NRP1: variants seen among roughly 807,000 people sequenced by gnomAD.
The protein encoded by NRP1 is neuropilin 1.
A neutral mutation model predicts 106.7 loss-of-function variants in NRP1; 35 were observed. The ratio of observed to expected loss-of-function variants is 0.33; its 90% CI spans 0.25 to 0.43. NRP1 has a LOEUF of 0.43. NRP1 is among the 20% of genes least tolerant of loss of function. The pLI is 1.00. For missense variants in NRP1, 1,024 were observed against 1,170.4 expected, an observed-to-expected ratio of 0.87 and a Z score of 1.83; for synonymous variants, 437 against 417.9, an observed-to-expected ratio of 1.05 and a Z score of -0.56.
intron 8 of NRP1, among the ~76,000 whole-genome samples, chr10:33,217,584 T>C (rs1428205403): frequency 6.6e-6 from 1 of 152,164 alleles, no homozygotes; most frequent in African/African-American, 2.4e-5. Context: ...GTTGCCAGAT[T>C]TAGCAAATAA....
intron 6 of NRP1, among the ~76,000 whole-genome samples, chr10:33,241,487 C>G (rs916678159): frequency 5.3e-5 from 8 of 152,138 alleles, no homozygotes; most frequent in African/African-American, 1.7e-4. Flanking sequence ...CTCCCTAGCA[C>G]TGCCTGAAGT....
intron 8 of NRP1, among the ~76,000 whole-genome samples, 181 bp downstream of exon 8, chr10:33,221,538 A>C (rs1164577374): frequency 6.6e-6 from 1 of 152,240 alleles, no homozygotes; most frequent in Non-Finnish European, 1.5e-5. Context: ...AAAATCTGCT[A>C]GTGAGTAGTA....
chr10:33,317,463 A>T (rs1176482787), intron 2 of NRP1, among the ~76,000 whole-genome samples: 3 of 152,232 alleles, frequency 2.0e-5, no homozygotes, highest in Non-Finnish European at 4.4e-5. Context: ...CAGTTTAAAA[A>T]CATTTATTTC....
chr10:33,189,913 G>A (rs565224855), intron 13 of NRP1, among the ~76,000 whole-genome samples: 2 of 152,180 alleles, frequency 1.3e-5, no homozygotes, highest in East Asian at 1.9e-4. Context: ...CAGATGTCGG[G>A]CTCACCCATC....
chr10:33,180,992 T>C (rs1290646037), intron 16 of NRP1, among the ~76,000 whole-genome samples: 2 of 152,204 alleles, frequency 1.3e-5, no homozygotes, highest in African/African-American at 4.8e-5. Context: ...CGAGAAACCA[T>C]GTCTGTCATG....
At chr10:33,332,167 A>T (rs1564497933) in intron 1 of NRP1, among the ~76,000 whole-genome samples, 1 of 152,170 alleles carries the variant, frequency 6.6e-6, no homozygotes, top group Admixed American at 6.5e-5. Flanking sequence ...AATATAAGTT[A>T]TATTGTTTTT....
chr10:33,210,910 T>A (rs1362476995), intron 9 of NRP1, among the ~76,000 whole-genome samples: 1 of 152,210 alleles, frequency 6.6e-6, no homozygotes, highest in Non-Finnish European at 1.5e-5. Flanking sequence ...TTTTTACCCA[T>A]TTCTTTTTTC....
At position 33,192,317 on chromosome 10, in the gene NRP1, A is replaced by G; in HGVS notation, c.2026T>C (p.Leu676=). 1 of 1,613,822 alleles carries G rather than the reference A, an allele frequency of 6.2e-7. No homozygotes were observed. Among genetic ancestry groups the G allele is most frequent in the Non-Finnish European group, 8.5e-7 (1 of 1,179,828 alleles). ...DNHVQLKWSV[L]TSKTGPIQDH... ...TGAATGGGTCCCGTCTTGCTGGTCAACACACTCCACTTGAGCTGCACGTGA... is the reference window on the plus strand; with the variant it reads ...TGAATGGGTCCCGTCTTGCTGGTCAGCACACTCCACTTGAGCTGCACGTGA... Residue 676 remains leucine (L), a synonymous_variant, in exon 13 of 17, where the codon TTG becomes CTG. Coordinates refer to ENST00000374867, the MANE Select transcript of NRP1 (RefSeq NM_003873.7).
intron 6 of NRP1, among the ~76,000 whole-genome samples, chr10:33,238,798 C>T (rs1257501086): frequency 6.6e-6 from 1 of 152,142 alleles, no homozygotes; most frequent in Admixed American, 6.5e-5. Flanking sequence ...AGTCATTCTG[C>T]ATGGCTACTA....
chr10:33,252,905 G>A (rs1338808260), intron 6 of NRP1, among the ~76,000 whole-genome samples: 2 of 151,908 alleles, frequency 1.3e-5, no homozygotes, highest in Non-Finnish European at 2.9e-5. Flanking sequence ...AACTAATATT[G>A]ACCTTTCCAA....
chr10:33,195,680 C>T lies in NRP1; in HGVS notation c.1924+1970G>A. 1.1e-5 allele frequency: 5 copies of T among 451,508 alleles called. 1 individual carries two copies. Among genetic ancestry groups the T allele is most frequent in the South Asian group, 8.5e-5 (5 of 58,880 alleles). The allele number at this position is 451,508 out of a possible 1,614,324, so 28.0% of individuals were successfully genotyped here. ...CTTGAAGCATGCTCAAGTCCCCATG[C>T]AATATTCTGGGCATTGACTTAGCCA... On this transcript the variant is annotated intron_variant, in intron 12 of 16. Coordinates refer to ENST00000374867, the MANE Select transcript of NRP1 (RefSeq NM_003873.7).
intron 2 of NRP1, among the ~76,000 whole-genome samples, chr10:33,326,825 G>T (rs1389708577): frequency 6.6e-6 from 1 of 152,168 alleles, no homozygotes. Flanking sequence ...TGCAAAGTAT[G>T]ATCCAGAATT....
Position 33,207,708 on chromosome 10 carries a change from C to T in NRP1, c.1623G>A (p.Glu541=), listed in dbSNP as rs1288766705. Residue 541 remains glutamate, a synonymous_variant, in exon 10 of 17, where the codon GAG becomes GAA. Coordinates refer to ENST00000374867, the MANE Select transcript of NRP1 (RefSeq NM_003873.7). ...DDSKRKAKSF[E]GNNNYDTPEL... Reference sequence around the variant, plus strand: ...CAGGTGTATCATAGTTGTTGTTGCCCTCAAAAGACTGTGAAGCATGGAAAA... The same window carrying T: ...CAGGTGTATCATAGTTGTTGTTGCCTTCAAAAGACTGTGAAGCATGGAAAA... 3.7e-6 allele frequency: 6 copies of T among 1,613,290 alleles called. No homozygotes were observed.
At chr10:33,202,566 TTG>T (rs1837408947) in intron 11 of NRP1, 16 of 1,246,572 alleles carry the variant, frequency 1.3e-5, no homozygotes, top group African/African-American at 1.7e-5. Flanking sequence ...GCACGTGTTA[TTG>T]GGGGGGGGTC....
chr10:33,334,265 G>A, intron 1 of NRP1, 45 bp downstream of exon 1: 1 of 1,521,534 alleles, frequency 6.6e-7, no homozygotes, highest in Non-Finnish European at 8.8e-7. Flanking sequence ...CGGGCAGCTG[G>A]GAGCCGGGGC....
chr10:33,289,575 C>T lies in NRP1; in HGVS notation c.249-18719G>A, dbSNP rs906030055. Among the ~76,000 whole-genome samples the T allele has an allele frequency of 5.9e-5, 9 of 152,140 alleles. No homozygotes were observed. The South Asian group carries it at 6.2e-4, about 11-fold the overall frequency. On this transcript the variant is annotated intron_variant, in intron 2 of 16. Transcript: ENST00000374867. Reference sequence around the variant, plus strand: ...GACATTGACGCATTTCAAATTGTTCCTCGAAGAGCGGCAATTCATTATCTT... The same window carrying T: ...GACATTGACGCATTTCAAATTGTTCTTCGAAGAGCGGCAATTCATTATCTT...
chr10:33,185,562 A>C, intron 15 of NRP1, 66 bp downstream of exon 15: 2 of 1,222,860 alleles, frequency 1.6e-6, no homozygotes, highest in Non-Finnish European at 2.4e-6. Context: ...AACAAAGACC[A>C]TCATATTGGC....
At chr10:33,210,250 G>T (rs1032208148) in intron 9 of NRP1, among the ~76,000 whole-genome samples, 2 of 151,084 alleles carry the variant, frequency 1.3e-5, no homozygotes, top group African/African-American at 4.9e-5. Flanking sequence ...TTATAGAACT[G>T]CAATTGCTGC....
rs187300455 is a variant in NRP1, at chr10:33,237,661, C to A, written c.982-11372G>T. Among the ~76,000 whole-genome samples, 18 of 147,608 alleles carry A rather than the reference C, an allele frequency of 1.2e-4. No homozygotes were observed. The East Asian group carries it at 3.7e-3, about 30-fold the overall frequency. On this transcript the variant is annotated intron_variant, in intron 6 of 16. Transcript: ENST00000374867. ...ACGGTGGATCTCAGCTCACTGCAAC[C>A]TCCACCTCTTGAGTTCAAGTGATTA... is the stretch of plus-strand genomic sequence containing the variant.
Sources: allele counts gnomAD v4.1 joint callset (sites outside exome capture counted in the v4.1 genomes callset), GRCh38; gene constraint gnomAD v4.1.1; transcripts MANE v1.5; gene names NCBI Gene and HGNC (gene_info 2026-07-23, HGNC 2026-07-21).